Variants in LCOR observed in about 807,000 individuals in gnomAD.
The protein encoded by LCOR is ligand dependent nuclear receptor corepressor, also known as ligand-dependent corepressor.
In LCOR, 14 loss-of-function variants were observed where a neutral mutation model predicts 64.4. That is an observed-to-expected ratio of 0.22 (90% CI 0.14 to 0.34). LCOR has a LOEUF of 0.34. LCOR is among the 10% of genes least tolerant of loss of function. The pLI is 1.00. For missense variants in LCOR, 1,686 were observed against 1,765.3 expected (o/e 0.96, Z 0.80); for synonymous variants, 643 against 642.5 (o/e 1.00, Z -0.01).
chr10:96,870,998 G>A (rs1302258276), intron 2 of LCOR, among the ~76,000 whole-genome samples: 5 of 152,216 alleles, frequency 3.3e-5, no homozygotes, highest in African/African-American at 9.6e-5. Context: ...TTGAGCTCCC[G>A]AAGTACAGAA....
chr10:96,955,909 CAAA>C (rs1847764059), intron 7 of LCOR: 1 of 1,606,000 alleles, frequency 6.2e-7, no homozygotes, highest in Admixed American at 1.7e-5. Context: ...GCAAATGAAT[CAAA>C]AAACGAGTAG....
intron 2 of LCOR, among the ~76,000 whole-genome samples, chr10:96,872,358 A>T (rs1197277492): frequency 6.6e-6 from 1 of 152,226 alleles, no homozygotes; most frequent in Non-Finnish European, 1.5e-5. Flanking sequence ...ACCTGAACTG[A>T]GTGAGGATTT....
chr10:96,839,641 A>C (rs1331384630), intron 2 of LCOR, among the ~76,000 whole-genome samples: 1 of 151,704 alleles, frequency 6.6e-6, no homozygotes, highest in Non-Finnish European at 1.5e-5. Context: ...TTTTGTTTGC[A>C]TTTTATAAAA....
At chr10:96,875,858 C>T (rs543861500) in intron 2 of LCOR, among the ~76,000 whole-genome samples, 4 of 151,910 alleles carry the variant, frequency 2.6e-5, no homozygotes, top group Non-Finnish European at 4.4e-5. Flanking sequence ...AAAGAGAGAC[C>T]CTGTCTCAGA....
Position 96,983,673 on chromosome 10 carries a change from A to G in LCOR, c.3213A>G (p.Pro1071=), listed in dbSNP as rs1390664873. 1.9e-6 allele frequency: 3 copies of G among 1,614,172 alleles called. No homozygotes were observed. The highest frequency in any genetic ancestry group is 1.7e-6 in the Non-Finnish European group (2 of 1,180,022). Residue 1071 remains proline (P), a synonymous_variant, in exon 8 of 8, where the codon CCA becomes CCG. Coordinates refer to ENST00000421806, the MANE Select transcript of LCOR (RefSeq NM_001346516.2). The surrounding 1 kb of genome is among the most constrained non-coding windows in gnomAD (Gnocchi z 4.5). ...CTGCACAAGTAAACCCCATAATGCC[A>G]AAGGAAAATGGAGCTTCAGAGAGTG... is the stretch of plus-strand genomic sequence containing the variant. ...KEAAQVNPIM[P]KENGASESGD...
At chr10:96,935,139 C>CTTTTTTT (rs34176037) in intron 4 of LCOR, among the ~76,000 whole-genome samples, 14 of 65,556 alleles carry the variant, frequency 2.1e-4, no homozygotes, top group Non-Finnish European at 3.2e-4. Context: ...GGCTATTTTA[C>CTTTTTTT]TTTTTTTTTT....
chr10:96,944,776 C>G (rs1365933508), intron 5 of LCOR, among the ~76,000 whole-genome samples: 2 of 152,006 alleles, frequency 1.3e-5, no homozygotes, highest in East Asian at 1.9e-4. Flanking sequence ...TTTGAGGTGG[C>G]ATTTAATAGC....
chr10:96,896,642 T>A (rs1846542171), intron 2 of LCOR, among the ~76,000 whole-genome samples: 1 of 152,104 alleles, frequency 6.6e-6, no homozygotes, highest in Non-Finnish European at 1.5e-5. Context: ...CAGGCTGGTC[T>A]TGAACTCCTG....
intron 2 of LCOR, among the ~76,000 whole-genome samples, chr10:96,889,395 T>C (rs1193943801): frequency 6.6e-6 from 1 of 152,226 alleles, no homozygotes; most frequent in Non-Finnish European, 1.5e-5. Context: ...CTTATAGTTC[T>C]GAAGGCTGGA....
intron 2 of LCOR, 78 bp downstream of exon 2, chr10:96,833,557 C>T (rs751427056): frequency 7.8e-5 from 44 of 561,880 alleles, no homozygotes; most frequent in Non-Finnish European, 9.3e-5. Context: ...ACTCTCCTGT[C>T]CTCCAGCATT....
intron 2 of LCOR, among the ~76,000 whole-genome samples, chr10:96,875,496 C>G (rs1168767821): frequency 6.6e-6 from 1 of 152,066 alleles, no homozygotes; most frequent in African/African-American, 2.4e-5. Context: ...TTCAGCTGCC[C>G]TAGTTTAAGA....
intron 4 of LCOR, among the ~76,000 whole-genome samples, chr10:96,928,637 GTTC>G (rs543755780): frequency 6.6e-6 from 1 of 151,996 alleles, no homozygotes; most frequent in Non-Finnish European, 1.5e-5. Context: ...TTTATATTTT[GTTC>G]TTCTCTCTTG....
chr10:96,856,698 A>C (rs1427711863), intron 2 of LCOR, among the ~76,000 whole-genome samples: 1 of 151,304 alleles, frequency 6.6e-6, no homozygotes, highest in Non-Finnish European at 1.5e-5. Context: ...GCTGGTCTCT[A>C]ACTCCTGAGC....
At chr10:96,956,028 C>G (rs1000072896) in intron 7 of LCOR, 46 of 1,490,000 alleles carry the variant, frequency 3.1e-5, no homozygotes, top group South Asian at 1.6e-4. Context: ...ACACTTGCTT[C>G]TTTGCAGATT....
At position 96,984,294 on chromosome 10, in the gene LCOR, C is replaced by T. The variant is rs764040208; in HGVS notation, c.3834C>T (p.Pro1278=). ...CAGAAGATGGCAGTGATGTCAGCCC[C>T]GGCCCTAATTCTGAAGACAGCATAG... ...VEPEDGSDVS[P]GPNSEDSIEE... The change falls in exon 8 of 8, where the codon CCC becomes CCT. Residue 1278 remains proline, a synonymous_variant. Transcript: ENST00000421806. 16 of 1,613,994 alleles carry T rather than the reference C, an allele frequency of 9.9e-6. No homozygotes were observed. In the Admixed American group the frequency reaches 1.0e-4, roughly 10 times the overall value.
intron 2 of LCOR, among the ~76,000 whole-genome samples, chr10:96,885,791 A>T (rs1846333007): frequency 6.6e-6 from 1 of 151,856 alleles, no homozygotes; most frequent in Non-Finnish European, 1.5e-5. Flanking sequence ...GTCAGGTTTT[A>T]CTTAAAGTTC....
At chr10:96,936,221 G>A (rs567324678) in intron 4 of LCOR, among the ~76,000 whole-genome samples, 1 of 152,352 alleles carries the variant, frequency 6.6e-6, no homozygotes, top group African/African-American at 2.4e-5. Flanking sequence ...AGTTTCAGAT[G>A]AATTTTTAAA....
intron 2 of LCOR, among the ~76,000 whole-genome samples, chr10:96,848,167 A>AAT (rs1845664903): frequency 6.6e-6 from 1 of 152,220 alleles, no homozygotes; most frequent in Admixed American, 6.5e-5. Flanking sequence ...GAGGAATGTG[A>AAT]ATATATATCC....
At position 96,982,510 on chromosome 10, in the gene LCOR, G is replaced by A. The variant is rs373519273; in HGVS notation, c.2050G>A (p.Asp684Asn). Reference protein sequence around the residue: ...TESFSGGVSEDVISRPHSPPE... With the variant: ...TESFSGGVSENVISRPHSPPE... ...AAGCTTTTCCGGGGGAGTCAGTGAAGATGTCATTTCTAGGCCTCATTCTCC... is the reference window on the plus strand; with the variant it reads ...AAGCTTTTCCGGGGGAGTCAGTGAAAATGTCATTTCTAGGCCTCATTCTCC... Residue 684 changes from aspartate to asparagine, a missense_variant, in exon 8 of 8, where the codon GAT becomes AAT. Transcript: ENST00000421806. 6.2e-7 allele frequency: 1 copy of A among 1,614,068 alleles called. No individual in the cohort carries two copies. The highest frequency in any genetic ancestry group is 1.3e-5 in the African/African-American group (1 of 74,930).
Sources: gnomAD v4.1 joint callset for allele counts (sites outside exome capture counted in the v4.1 genomes callset) on GRCh38, gnomAD v4.1.1 for gene constraint, Gnocchi (gnomAD v3.1) non-coding constraint, MANE v1.5 for transcripts, NCBI Gene and HGNC (gene_info 2026-07-23, HGNC 2026-07-21) for gene names.